The following LRP1B variants were observed in gnomAD, a reference collection of about 807,000 sequenced individuals.
The protein encoded by LRP1B is low-density lipoprotein receptor-related protein 1B.
A neutral mutation model predicts 556.6 loss-of-function variants in LRP1B; 217 were observed. That is an observed-to-expected ratio of 0.39 (90% CI 0.35 to 0.44). The LOEUF (loss-of-function observed/expected upper bound fraction) is 0.44. Among genes scored for constraint, LRP1B ranks in the 20% least tolerant of loss-of-function variants. The probability of loss-of-function intolerance (pLI) is 1.00; values close to 1 mark genes in which losing one functional copy is unlikely to be tolerated. For synonymous variants in LRP1B, 2,047 were observed against 1,865.8 expected (o/e 1.10, Z -2.50); for missense variants, 5,053 against 5,620.8 (o/e 0.90, Z 3.23).
At chr2:141,755,657 GATTTT>G in intron 2 of LRP1B, among the ~76,000 whole-genome samples, 1 of 152,072 alleles carries the variant, frequency 6.6e-6, no homozygotes, top group Non-Finnish European at 1.5e-5. Context: ...ATGTTATTAA[GATTTT>G]ATTTTAAGGT....
intron 11 of LRP1B, among the ~76,000 whole-genome samples, chr2:141,023,641 C>A (rs1225636497): frequency 6.6e-6 from 1 of 151,890 alleles, no homozygotes; most frequent in African/African-American, 2.4e-5. Flanking sequence ...ATATAATTGC[C>A]TCTTTTTAAA....
At chr2:141,418,432 A>ATATT (rs1553512207) in intron 3 of LRP1B, among the ~76,000 whole-genome samples, 2 of 140,892 alleles carry the variant, frequency 1.4e-5, no homozygotes, top group African/African-American at 2.6e-5. Context: ...AGAGCACAAT[A>ATATT]TTTTTTTTTT....
At position 140,951,835 on chromosome 2, in the gene LRP1B, T is replaced by C. The variant is rs369071753; in HGVS notation, c.2968+25A>G. 1.1e-5 allele frequency: 17 copies of C among 1,577,696 alleles called. No homozygotes were observed. In the African/African-American group the frequency reaches 2.2e-4, roughly 20 times the overall value. Reference sequence around the variant, plus strand: ...GCCAAGCCCCCGATCAAATTAGTGCTATACAGTGAGCATTTGGTACTTGCC... The same window carrying C: ...GCCAAGCCCCCGATCAAATTAGTGCCATACAGTGAGCATTTGGTACTTGCC... On this transcript the variant is annotated intron_variant, in intron 19 of 90. Coordinates refer to ENST00000389484, the MANE Select transcript of LRP1B (RefSeq NM_018557.3).
chr2:141,039,085 C>G (rs1252559381), intron 11 of LRP1B, among the ~76,000 whole-genome samples: 1 of 151,990 alleles, frequency 6.6e-6, no homozygotes, highest in African/African-American at 2.4e-5. Context: ...GTCTGCTGTT[C>G]TGAGTAACAT....
intron 79 of LRP1B, among the ~76,000 whole-genome samples, chr2:140,333,142 C>T (rs185542677): frequency 3.9e-5 from 6 of 152,070 alleles, no homozygotes; most frequent in Admixed American, 2.6e-4. Context: ...TTACTCAGAA[C>T]GTACTATTCT....
At position 140,510,003 on chromosome 2, in the gene LRP1B, C is replaced by T. The variant is rs530610119; in HGVS notation, c.8323G>A (p.Val2775Met). 60 of 1,613,978 alleles carry T rather than the reference C, an allele frequency of 3.7e-5. No individual in the cohort carries two copies. Among genetic ancestry groups the T allele is most frequent in the Admixed American group, 2.7e-4 (16 of 60,022 alleles). Residue 2775 changes from valine (V) to methionine (M), a missense_variant, in exon 52 of 91, where the codon GTG (valine) becomes ATG (methionine). Val to Met is a conservative substitution (Grantham distance 21, BLOSUM62 1). This residue lies in a region of LRP1B where 3,619 missense variants were observed against 3,931.9 expected (regional missense o/e 0.92). Coordinates refer to ENST00000389484, the MANE Select transcript of LRP1B (RefSeq NM_018557.3). ...CCATCACAAAGCCAATGTCGGGGCA[C>T]GCAGGCACGAGAGCCCTGGCAGCTG... is the stretch of plus-strand genomic sequence containing the variant. ...MFSCQGSRAC[V>M]PRHWLCDGER...
chr2:141,869,809 A>G (rs1253857759), intron 1 of LRP1B, among the ~76,000 whole-genome samples: 1 of 152,110 alleles, frequency 6.6e-6, no homozygotes, highest in African/African-American at 2.4e-5. Context: ...TAAATTTCCC[A>G]ATTCTCAAAT....
chr2:140,791,789 C>CTA (rs778485318), intron 32 of LRP1B, among the ~76,000 whole-genome samples: 2 of 149,878 alleles, frequency 1.3e-5, no homozygotes, highest in Middle Eastern at 3.4e-3. Flanking sequence ...AGGTCTCTCT[C>CTA]TATGAACATA....
At chr2:140,756,873 G>GA (rs1253278174) in intron 35 of LRP1B, among the ~76,000 whole-genome samples, 4 of 151,762 alleles carry the variant, frequency 2.6e-5, no homozygotes, top group Non-Finnish European at 2.9e-5. Context: ...TTTGAAAAGA[G>GA]AAAAAAACTA....
In LRP1B at chr2:140,951,992, G is replaced by A. The variant is rs191392144; in HGVS notation, c.2888-52C>T. ...AGGTAACATGTTATTGACTGTGCATGACATAATTCGTATCATCTGATAATG... is the reference window on the plus strand; with the variant it reads ...AGGTAACATGTTATTGACTGTGCATAACATAATTCGTATCATCTGATAATG... On this transcript the variant is annotated intron_variant, in intron 18 of 90. Coordinates refer to ENST00000389484, the MANE Select transcript of LRP1B (RefSeq NM_018557.3). The A allele has an allele frequency of 2.4e-6, 3 of 1,256,264 alleles. No individual in the cohort carries two copies. The African/African-American group carries it at 4.4e-5, about 18-fold the overall frequency. 77.8% of individuals were successfully genotyped at this position (1,256,264 alleles called of 1,614,324 possible).
chr2:141,913,444 G>A (rs1489259495), intron 1 of LRP1B, among the ~76,000 whole-genome samples: 3 of 152,060 alleles, frequency 2.0e-5, no homozygotes, highest in Non-Finnish European at 4.4e-5. Context: ...ACACTATGCG[G>A]CTGAAAAAAT....
intron 1 of LRP1B, among the ~76,000 whole-genome samples, chr2:142,053,997 G>T (rs1335396569): frequency 2.6e-5 from 4 of 152,086 alleles, no homozygotes; most frequent in Non-Finnish European, 4.4e-5. Flanking sequence ...TTGAAGGATG[G>T]CCAAGAGTTC....
In LRP1B at chr2:141,115,625, TTG is replaced by T. The variant is rs70991139; in HGVS notation, c.1014-53354_1014-53353del. Among the ~76,000 whole-genome samples, 668 of 91,518 alleles carry T rather than the reference TTG, an allele frequency of 7.3e-3. 7 individuals carry two copies. Among genetic ancestry groups the T allele is most frequent in the African/African-American group, 0.022 (625 of 27,848 alleles). 60.0% of individuals were successfully genotyped at this position (91,518 alleles called of 152,430 possible). On this transcript the variant is annotated intron_variant, in intron 7 of 90. Coordinates refer to ENST00000389484, the MANE Select transcript of LRP1B (RefSeq NM_018557.3). ...GCTCCCGCCACCATGCCCGGCTAAT[TTG>T]TGTGTGTGTGTGTGTGTGTGTGTGT...
chr2:141,554,360 G>T (rs559575834), intron 2 of LRP1B, among the ~76,000 whole-genome samples: 1 of 148,910 alleles, frequency 6.7e-6, no homozygotes, highest in African/African-American at 2.4e-5. Flanking sequence ...AATAGACATA[G>T]ATATAGATTA....
At position 140,233,182 on chromosome 2, in the gene LRP1B, C is replaced by T. The variant is rs2104870367; in HGVS notation, c.*4G>A. ...TTTATACAGCATATAAAAGATATCACTGATTATGCCACTGTCTCTCTTATA... is the reference window on the plus strand; with the variant it reads ...TTTATACAGCATATAAAAGATATCATTGATTATGCCACTGTCTCTCTTATA... On this transcript the variant is annotated 3_prime_UTR_variant, in exon 91 of 91. Coordinates refer to ENST00000389484, the MANE Select transcript of LRP1B (RefSeq NM_018557.3). 2.5e-6 allele frequency: 4 copies of T among 1,577,736 alleles called. No homozygotes were observed. Among genetic ancestry groups the T allele is most frequent in the Non-Finnish European group, 3.5e-6 (4 of 1,153,742 alleles).
At chr2:140,539,768 CCTGAGCAA>C (rs1278641525) in intron 45 of LRP1B, among the ~76,000 whole-genome samples, 1 of 152,052 alleles carries the variant, frequency 6.6e-6, no homozygotes, top group Non-Finnish European at 1.5e-5. Context: ...TAAGCAATTG[CCTGAGCAA>C]TTCAGAGAAG....
chr2:140,959,625 G>T (rs932323135), intron 18 of LRP1B, among the ~76,000 whole-genome samples: 2 of 151,518 alleles, frequency 1.3e-5, no homozygotes, highest in African/African-American at 4.8e-5. Context: ...AATCAACAAT[G>T]ATTAATTTAT....
intron 43 of LRP1B, among the ~76,000 whole-genome samples, chr2:140,556,344 G>A: frequency 6.6e-6 from 1 of 152,014 alleles, no homozygotes; most frequent in East Asian, 1.9e-4. Context: ...TCTATACGTG[G>A]AGGAAGGGAA....
chr2:141,505,715 GTTTGTA>G (rs1386189884), intron 2 of LRP1B, among the ~76,000 whole-genome samples: 1 of 151,988 alleles, frequency 6.6e-6, no homozygotes, highest in African/African-American at 2.4e-5. Flanking sequence ...AAATAATATA[GTTTGTA>G]TTTGTTTTCT....
Sources: gnomAD v4.1 joint callset for allele counts (sites outside exome capture counted in the v4.1 genomes callset) on GRCh38, gnomAD v4.1.1 for gene constraint, gnomAD v4.1.1 regional missense constraint, MANE v1.5 for transcripts, NCBI Gene and HGNC (gene_info 2026-07-23, HGNC 2026-07-21) for gene names.